Variants in NLGN2 observed in about 807,000 individuals in gnomAD.
NLGN2 encodes the protein neuroligin-2.
In NLGN2, 11 loss-of-function variants were observed where a neutral mutation model predicts 48.6. That is an observed-to-expected ratio of 0.23 (90% CI 0.14 to 0.37). The LOEUF (loss-of-function observed/expected upper bound fraction) is 0.37, where lower values mean the gene tolerates loss of function less well. Ranked by LOEUF, NLGN2 falls within the 10% of genes least tolerant of loss-of-function variation. The pLI is 1.00. For missense variants in NLGN2, 801 were observed against 1,225.2 expected, an observed-to-expected ratio of 0.65 and a Z score of 5.17; for synonymous variants, 548 against 550.0, an observed-to-expected ratio of 1.00 and a Z score of 0.05.
chr17:7,406,981 TG>T (rs1906671720), upstream of NLGN2, among the ~76,000 whole-genome samples: 1 of 152,152 alleles, frequency 6.6e-6, no homozygotes, highest in African/African-American at 2.4e-5. Flanking sequence ...GCCAGAGGCC[TG>T]GTCACTAAGG....
At position 7,415,877 on chromosome 17, in the gene NLGN2, C is replaced by G; in HGVS notation, c.1404C>G (p.Ala468=). 6.2e-7 allele frequency: 1 copy of G among 1,610,802 alleles called. No homozygotes were observed. The highest frequency in any genetic ancestry group is 1.1e-5 in the South Asian group (1 of 91,018). ...HQWVAPAVAT[A]KLHADYQSPV... is the part of the protein sequence containing the mutation. ...GGGTGGCACCAGCTGTGGCCACTGC[C>G]AAGCTGCACGCCGACTACCAGTCTC... The change falls in exon 6 of 7, where the codon GCC becomes GCG. Residue 468 remains alanine (A), a synonymous_variant. Transcript: ENST00000302926.
chr17:7,417,941 C>T lies in NLGN2; in HGVS notation c.*142C>T, dbSNP rs1277674898. 1.2e-5 allele frequency: 8 copies of T among 676,726 alleles called. No individual in the cohort carries two copies. The highest frequency in any genetic ancestry group is 4.3e-5 in the Admixed American group (1 of 23,134). 41.9% of individuals were successfully genotyped at this position (676,726 alleles called of 1,614,324 possible). A position where few individuals can be genotyped will look rare whatever the true frequency, so the allele number is the denominator to read the frequency against. On this transcript the variant is annotated 3_prime_UTR_variant, in exon 7 of 7. Coordinates refer to ENST00000302926, the MANE Select transcript of NLGN2 (RefSeq NM_020795.4). ...GCGCTAAGGTGGACATGGGATTCCT[C>T]CCTGCGATGCGTGTCTTTCCCACGC... is the stretch of plus-strand genomic sequence containing the variant.
rs948053654 is a variant in NLGN2 at position 7,411,700 on chromosome 17, G to A, written c.458-457G>A. Among the ~76,000 whole-genome samples the A allele has an allele frequency of 3.3e-5, 5 of 152,320 alleles. No individual in the cohort carries two copies. The highest frequency in any genetic ancestry group is 7.2e-5 in the African/African-American group (3 of 41,558). Reference sequence around the variant, plus strand: ...GCAGGTGCTTCGCTGGCCCTGAAGGGGGCCTTCTGAGAGGTGGCCTGGGTG... The same window carrying A: ...GCAGGTGCTTCGCTGGCCCTGAAGGAGGCCTTCTGAGAGGTGGCCTGGGTG... On this transcript the variant is annotated intron_variant, in intron 1 of 6. Coordinates refer to ENST00000302926, the MANE Select transcript of NLGN2 (RefSeq NM_020795.4). The surrounding 1 kb of genome is among the most constrained non-coding windows in gnomAD (Gnocchi z 4.5).
intron 2 of NLGN2, 31 bp from the exon 3 acceptor site, chr17:7,414,313 C>CG: frequency 6.8e-6 from 10 of 1,473,940 alleles, no homozygotes; most frequent in Non-Finnish European, 8.1e-6. Flanking sequence ...CCCTGACCCC[C>CG]TGGCCCACCT....
In NLGN2 at chr17:7,408,511, C is replaced by A. The variant is rs1906751241; in HGVS notation, c.256C>A (p.Pro86Thr). The change falls in exon 1 of 7, where the codon CCG (proline) becomes ACG (threonine). Residue 86 changes from proline (P) to threonine (T), a missense_variant. Transcript: ENST00000302926. The surrounding 1 kb of genome is among the most constrained non-coding windows in gnomAD (Gnocchi z 7.5). ...TPPLGARRFQ[P>T]PEAPASWPGV... ...GCCCCTGGGCGCCCGCCGCTTCCAG[C>A]CGCCTGAGGCGCCCGCCTCGTGGCC... 1 of 1,513,912 alleles carries A rather than the reference C, an allele frequency of 6.6e-7. No homozygotes were observed. Among genetic ancestry groups the A allele is most frequent in the East Asian group, 2.7e-5 (1 of 37,028 alleles). 93.8% of individuals were successfully genotyped at this position (1,513,912 alleles called of 1,614,324 possible).
Position 7,417,293 on chromosome 17 carries a change from G to A in NLGN2, c.2002G>A (p.Asp668Asn). 2 of 1,602,618 alleles carry A rather than the reference G, an allele frequency of 1.2e-6. No homozygotes were observed. The highest frequency in any genetic ancestry group is 1.7e-6 in the Non-Finnish European group (2 of 1,175,998). ...AAGGGCCTATGACCGCTTCCCCGGG[G>A]ACTCACGGGACTACTCCACGGAGCT... is the stretch of plus-strand genomic sequence containing the variant. ...GPRAYDRFPG[D>N]SRDYSTELSV... is the part of the protein sequence containing the mutation. Residue 668 changes from aspartate (D) to asparagine (N), a missense_variant, in exon 7 of 7, where the codon GAC becomes AAC. By Grantham distance (23) the Asp-to-Asn change is conservative. Around this residue, in one of 5 missense-constraint regions of NLGN2, gnomAD observed 276 missense variants for 313.9 expected, o/e 0.88. Coordinates refer to ENST00000302926, the MANE Select transcript of NLGN2 (RefSeq NM_020795.4).
rs1397908588 is a variant in NLGN2 at position 7,408,944 on chromosome 17, T to TG, written c.457+238dup. ...CCTCTCCATAAGTTCTTTACGCCCA[T>TG]GGGGGGCCATGGTAGGGATGGCAGG... On this transcript the variant is annotated intron_variant, in intron 1 of 6. Coordinates refer to ENST00000302926, the MANE Select transcript of NLGN2 (RefSeq NM_020795.4). This position sits in a 1 kb window ranked among gnomAD's most constrained non-coding sequence, Gnocchi z 7.5. Among the ~76,000 whole-genome samples, 1 of 152,082 alleles carries TG rather than the reference T, an allele frequency of 6.6e-6. No individual in the cohort carries two copies. The highest frequency in any genetic ancestry group is 6.5e-5 in the Admixed American group (1 of 15,282).
At chr17:7,415,474 G>C in intron 5 of NLGN2, 37 bp from the exon 6 acceptor site, 1 of 1,583,516 alleles carries the variant, frequency 6.3e-7, no homozygotes, top group Non-Finnish European at 8.7e-7. Flanking sequence ...GAGGAGGCCA[G>C]TGAGCAGGTG....
intron 1 of NLGN2, among the ~76,000 whole-genome samples, chr17:7,409,703 T>A (rs2150812298): frequency 6.6e-6 from 1 of 152,224 alleles, no homozygotes; most frequent in East Asian, 1.9e-4. Context: ...CAGGAGCTCC[T>A]AATGTACCCT....
intron 2 of NLGN2, 118 bp from the exon 3 acceptor site, chr17:7,414,226 G>C: frequency 2.3e-6 from 2 of 881,632 alleles, no homozygotes; most frequent in South Asian, 2.9e-5. Context: ...GGAGTGACAT[G>C]TCCCCTGAGC....
rs752821334 is a variant in NLGN2, at chr17:7,408,594, G to T, written c.339G>T (p.Ala113=). The T allele has an allele frequency of 2.5e-6, 4 of 1,580,904 alleles. No homozygotes were observed. Among genetic ancestry groups the T allele is most frequent in the Non-Finnish European group, 3.4e-6 (4 of 1,165,426 alleles). ...CCTGCCCGCAGAACCTGCACGGGGC[G>T]CTGCCCGCCATCATGCTGCCTGTGT... ...PPACPQNLHG[A]LPAIMLPVWF... is the part of the protein sequence containing the mutation. The change falls in exon 1 of 7, where the codon GCG becomes GCT. Residue 113 remains alanine, a synonymous_variant. Coordinates refer to ENST00000302926, the MANE Select transcript of NLGN2 (RefSeq NM_020795.4). The surrounding 1 kb of genome is among the most constrained non-coding windows in gnomAD (Gnocchi z 7.5).
Position 7,418,430 on chromosome 17 carries a change from C to G in NLGN2, c.*631C>G, listed in dbSNP as rs1053240821. 1 of 152,202 alleles carries G rather than the reference C, an allele frequency of 6.6e-6. No homozygotes were observed. Among genetic ancestry groups the G allele is most frequent in the Non-Finnish European group, 1.5e-5 (1 of 68,066 alleles). 9.4% of individuals were successfully genotyped at this position (152,202 alleles called of 1,614,324 possible). On this transcript the variant is annotated 3_prime_UTR_variant, in exon 7 of 7. Transcript: ENST00000302926. ...ACAAGTCAGATGAAGCACGTTCTGCCGGGGAGGCCCTCACCTTCCAGAGAG... is the reference window on the plus strand; with the variant it reads ...ACAAGTCAGATGAAGCACGTTCTGCGGGGGAGGCCCTCACCTTCCAGAGAG...
intron 2 of NLGN2, 32 bp from the exon 3 acceptor site, chr17:7,414,312 C>G (rs751853236): frequency 4.8e-5 from 70 of 1,471,858 alleles, no homozygotes; most frequent in Admixed American, 3.2e-4. Flanking sequence ...TCCCTGACCC[C>G]CTGGCCCACC....
Position 7,408,056 on chromosome 17 carries a change from C to A in NLGN2, c.-200C>A, listed in dbSNP as rs1164192568. 2.0e-5 allele frequency: 7 copies of A among 353,736 alleles called. No individual in the cohort carries two copies. Among genetic ancestry groups the A allele is most frequent in the Non-Finnish European group, 2.0e-5 (4 of 198,756 alleles). The allele number at this position is 353,736 out of a possible 1,614,324, so 21.9% of individuals were successfully genotyped here. Reference sequence around the variant, plus strand: ...TCTCCCATTTCCTTCCCCTTCCCCACCCCGTGCCCCCTCCATGGAGAGGAA... The same window carrying A: ...TCTCCCATTTCCTTCCCCTTCCCCAACCCGTGCCCCCTCCATGGAGAGGAA... On this transcript the variant is annotated 5_prime_UTR_variant, in exon 1 of 7. Coordinates refer to ENST00000302926, the MANE Select transcript of NLGN2 (RefSeq NM_020795.4). This position sits in a 1 kb window ranked among gnomAD's most constrained non-coding sequence, Gnocchi z 7.5.
chr17:7,415,737 G>A lies in NLGN2; in HGVS notation c.1264G>A (p.Glu422Lys), dbSNP rs758837565. The change falls in exon 6 of 7, where the codon GAA becomes AAA. Residue 422 changes from glutamate (E) to lysine (K), a missense_variant. This residue lies in a region of NLGN2 where 303 missense variants were observed against 600.1 expected (regional missense o/e 0.50). Transcript: ENST00000302926. The stretch of plus-strand genomic sequence containing the variant: ...TGTGGACAACCTGTATGGCTACCCG[G>A]AAGGCAAGGATGTGCTTCGGGAGAC... ...NFVDNLYGYPEGKDVLRETIK... is the reference protein window; with the variant it reads ...NFVDNLYGYPKGKDVLRETIK... 6.2e-7 allele frequency: 1 copy of A among 1,614,246 alleles called. No homozygotes were observed. The highest frequency in any genetic ancestry group is 1.1e-5 in the South Asian group (1 of 91,088).
At position 7,415,988 on chromosome 17, in the gene NLGN2, C is replaced by G. The variant is rs1907087365; in HGVS notation, c.1515C>G (p.Pro505=). 12 of 1,614,206 alleles carry G rather than the reference C, an allele frequency of 7.4e-6. No individual in the cohort carries two copies. Among genetic ancestry groups the G allele is most frequent in the Non-Finnish European group, 1.0e-5 (12 of 1,180,034 alleles). The change falls in exon 6 of 7, where the codon CCC becomes CCG. Residue 505 remains proline, a synonymous_variant. Coordinates refer to ENST00000302926, the MANE Select transcript of NLGN2 (RefSeq NM_020795.4). ...ATGCGGCGCACGGGGATGAACTGCC[C>G]TATGTCTTTGGCGTGCCCATGGTGG... ...WADAAHGDEL[P]YVFGVPMVGA...
Position 7,417,555 on chromosome 17 carries a change from C to G in NLGN2, c.2264C>G (p.Ala755Gly). 5 of 1,453,692 alleles carry G rather than the reference C, an allele frequency of 3.4e-6. No homozygotes were observed. Among genetic ancestry groups the G allele is most frequent in the Non-Finnish European group, 4.5e-6 (5 of 1,109,290 alleles). The allele number at this position is 1,453,692 out of a possible 1,614,324, so 90.0% of individuals were successfully genotyped here. ...CTGAAGCGGGGTGGTGGCGTCGGGG[C>G]GGACCCTGCCGAGGCTCTGCGCCCT... ...LQLKRGGGVG[A>G]DPAEALRPAC... Residue 755 changes from alanine (A) to glycine (G), a missense_variant, in exon 7 of 7, where the codon GCG becomes GGG. This residue lies in a region of NLGN2 where 276 missense variants were observed against 313.9 expected (regional missense o/e 0.88). Coordinates refer to ENST00000302926, the MANE Select transcript of NLGN2 (RefSeq NM_020795.4).
chr17:7,413,065 T>A lies in NLGN2; in HGVS notation c.508+858T>A, dbSNP rs1304775247. On this transcript the variant is annotated intron_variant, in intron 2 of 6. Coordinates refer to ENST00000302926, the MANE Select transcript of NLGN2 (RefSeq NM_020795.4). This position sits in a 1 kb window ranked among gnomAD's most constrained non-coding sequence, Gnocchi z 4.9. The stretch of plus-strand genomic sequence containing the variant: ...ACTGAGGACAATTAGGACAGGACCT[T>A]GGAGGGAAGGAGATTCCGGCCTGAA... Among the ~76,000 whole-genome samples the A allele has an allele frequency of 6.6e-6, 1 of 151,994 alleles. No homozygotes were observed. The highest frequency in any genetic ancestry group is 6.6e-5 in the Admixed American group (1 of 15,262).
chr17:7,414,284 G>A (rs571448109), intron 2 of NLGN2, 60 bp from the exon 3 acceptor site: 21 of 1,532,130 alleles, frequency 1.4e-5, no homozygotes, highest in Admixed American at 1.2e-4. Context: ...TGCTGCTTCC[G>A]GTCTGACTGT....
Sources: gnomAD v4.1 joint callset for allele counts (sites outside exome capture counted in the v4.1 genomes callset) on GRCh38, gnomAD v4.1.1 for gene constraint, gnomAD v4.1.1 regional missense constraint, Gnocchi (gnomAD v3.1) non-coding constraint, MANE v1.5 for transcripts, NCBI Gene and HGNC (gene_info 2026-07-23, HGNC 2026-07-21) for gene names.